Variants in C15orf40 observed in about 807,000 individuals in gnomAD.
C15orf40 encodes chromosome 15 open reading frame 40.
C15orf40 carries 9 observed loss-of-function variants against 13.9 expected under a neutral mutation model. That is an observed-to-expected ratio of 0.65 (90% confidence interval 0.39 to 1.13). The LOEUF (loss-of-function observed/expected upper bound fraction) is 1.13. Ranked by LOEUF, C15orf40 falls within the 50% of genes most tolerant of loss-of-function variation. C15orf40 has a pLI of 0.01. For synonymous variants in C15orf40, 95 were observed against 69.2 expected (o/e 1.37, Z -1.85); for missense variants, 225 against 188.5 (o/e 1.19, Z -1.13).
chr15:82,999,407 G>A lies in C15orf40; in HGVS notation c.*6190C>T, dbSNP rs1026302013. The A allele has an allele frequency of 1.2e-4, 19 of 152,200 alleles. No individual in the cohort carries two copies. Among genetic ancestry groups the A allele is most frequent in the African/African-American group, 4.6e-4 (19 of 41,504 alleles). 9.4% of individuals were successfully genotyped at this position (152,200 alleles called of 1,614,324 possible). On this transcript the variant is annotated 3_prime_UTR_variant, in exon 4 of 4. Transcript: ENST00000304177. ...AATGGGGTCTTACCACGTCGCCCAA[G>A]CTGGTCTCAAACTCCTGGCCACAAA...
rs2031616608 is a variant in C15orf40 at position 83,005,329 on chromosome 15, G to A, written c.*268C>T. On this transcript the variant is annotated 3_prime_UTR_variant, in exon 4 of 4. Coordinates refer to ENST00000304177, the MANE Select transcript of C15orf40 (RefSeq NM_144597.3). Reference sequence around the variant, plus strand: ...GAGAGAGTTTCACTCTTGTTGCCCAGGCTGGAGTGCAACGGCGCGATCTCG... The same window carrying A: ...GAGAGAGTTTCACTCTTGTTGCCCAAGCTGGAGTGCAACGGCGCGATCTCG... 2.1e-6 allele frequency: 2 copies of A among 931,620 alleles called. No individual in the cohort carries two copies. The highest frequency in any genetic ancestry group is 7.4e-5 in the South Asian group (2 of 26,864). The allele number at this position is 931,620 out of a possible 1,614,324, so 57.7% of individuals were successfully genotyped here.
intron 2 of C15orf40, among the ~76,000 whole-genome samples, chr15:83,009,404 G>C (rs1403530023): frequency 6.6e-6 from 1 of 152,164 alleles, no homozygotes; most frequent in African/African-American, 2.4e-5. Flanking sequence ...CCACTACTTA[G>C]AAAATGCTGG....
chr15:82,995,606 A>ATG lies in C15orf40; in HGVS notation c.*9990_*9991insCA, dbSNP rs1183454718. 2.0e-5 allele frequency: 3 copies of ATG among 152,370 alleles called. No individual in the cohort carries two copies. Among genetic ancestry groups the ATG allele is most frequent in the Non-Finnish European group, 4.4e-5 (3 of 68,200 alleles). The allele number at this position is 152,370 out of a possible 1,614,324, so 9.4% of individuals were successfully genotyped here. A position where few individuals can be genotyped will look rare whatever the true frequency, so the allele number is the denominator to read the frequency against. ...TCCAGACCAGCCTGGCCAACATGGC[A>ATG]AAACCCCATCTCTACTAAAAATACA... On this transcript the variant is annotated 3_prime_UTR_variant, in exon 4 of 4. Coordinates refer to ENST00000304177, the MANE Select transcript of C15orf40 (RefSeq NM_144597.3).
downstream of C15orf40, chr15:82,991,059 T>A (rs1311527381): frequency 6.3e-6 from 1 of 157,536 alleles, no homozygotes; most frequent in Non-Finnish European, 1.4e-5. Context: ...CACTCCCAAG[T>A]TCTGGCAGTT....
rs1315339876 is a variant in C15orf40 at position 82,998,151 on chromosome 15, C to A, written c.*7446G>T. 7.9e-6 allele frequency: 1 copy of A among 125,956 alleles called. No individual in the cohort carries two copies. Among genetic ancestry groups the A allele is most frequent in the Non-Finnish European group, 1.7e-5 (1 of 58,348 alleles). 7.8% of individuals were successfully genotyped at this position (125,956 alleles called of 1,614,324 possible). On this transcript the variant is annotated 3_prime_UTR_variant, in exon 4 of 4. Transcript: ENST00000304177. ...GGCGCCCCTCACCTCCCGGACGGGGCGGCTGGCCGGGCGGGGGGCTGACCC... is the reference window on the plus strand; with the variant it reads ...GGCGCCCCTCACCTCCCGGACGGGGAGGCTGGCCGGGCGGGGGGCTGACCC...
Position 83,001,312 on chromosome 15 carries a change from A to C in C15orf40, c.*4285T>G. 4.1e-6 allele frequency: 4 copies of C among 985,366 alleles called. No individual in the cohort carries two copies. The highest frequency in any genetic ancestry group is 4.8e-6 in the Non-Finnish European group (4 of 829,816). The allele number at this position is 985,366 out of a possible 1,614,324, so 61.0% of individuals were successfully genotyped here. A position where few individuals can be genotyped will look rare whatever the true frequency, so the allele number is the denominator to read the frequency against. On this transcript the variant is annotated 3_prime_UTR_variant, in exon 4 of 4. Transcript: ENST00000304177. ...GGCAAACCACCTAGCAGTGTCTGTC[A>C]AGTAAGCAACCAAGTTAATAAGTGA... is the stretch of plus-strand genomic sequence containing the variant.
chr15:83,005,969 C>T (rs769277724), intron 3 of C15orf40, among the ~76,000 whole-genome samples: 3 of 152,258 alleles, frequency 2.0e-5, no homozygotes, highest in South Asian at 2.1e-4. Flanking sequence ...CGGTGGCTCA[C>T]GCCTGTAATC....
At chr15:82,989,967 C>T (rs367747091), downstream of C15orf40, 165 of 1,609,048 alleles carry the variant, frequency 1.0e-4, no homozygotes, top group Non-Finnish European at 1.3e-4. Flanking sequence ...CATGGACGAT[C>T]CTGGGGTAAC....
downstream of C15orf40, among the ~76,000 whole-genome samples, chr15:82,991,382 T>C (rs1001369387): frequency 1.3e-5 from 2 of 152,078 alleles, no homozygotes; most frequent in Non-Finnish European, 2.9e-5. Flanking sequence ...CCGTCTCTAC[T>C]AAAAATACAA....
intron 2 of C15orf40, among the ~76,000 whole-genome samples, chr15:83,009,913 C>T (rs1281820840): frequency 1.3e-5 from 2 of 152,236 alleles, no homozygotes; most frequent in Non-Finnish European, 1.5e-5. Context: ...TCTTCTTTCT[C>T]TGGCCAATGT....
rs2031402810 is a variant in C15orf40, at chr15:83,001,211, C to T, written c.*4386G>A. On this transcript the variant is annotated 3_prime_UTR_variant, in exon 4 of 4. Coordinates refer to ENST00000304177, the MANE Select transcript of C15orf40 (RefSeq NM_144597.3). ...GGAATGGCTCACAGAAATCAGAAGT[C>T]TGAAATCTCTGCTCCTGCCTCCAGG... is the stretch of plus-strand genomic sequence containing the variant. The T allele has an allele frequency of 1.0e-6, 1 of 985,468 alleles. No homozygotes were observed. The highest frequency in any genetic ancestry group is 1.1e-4 in the East Asian group (1 of 8,824). The allele number at this position is 985,468 out of a possible 1,614,324, so 61.0% of individuals were successfully genotyped here.
chr15:83,009,423 G>A (rs1181672377), intron 2 of C15orf40, among the ~76,000 whole-genome samples: 1 of 152,134 alleles, frequency 6.6e-6, no homozygotes, highest in Non-Finnish European at 1.5e-5. Context: ...GGCCAAGGAG[G>A]GTATGGCTAA....
downstream of C15orf40, chr15:82,991,887 C>A: frequency 7.8e-7 from 1 of 1,288,630 alleles, no homozygotes; most frequent in Non-Finnish European, 1.0e-6. Context: ...CCTGACTACA[C>A]CCCAGAATCT....
In C15orf40 at chr15:83,001,382, C is replaced by T. The variant is rs1372695349; in HGVS notation, c.*4215G>A. ...CAAGTAATTATCATTTATTAAGGTGCGGGTGATAGATGACAGATGCAGTGC... is the reference window on the plus strand; with the variant it reads ...CAAGTAATTATCATTTATTAAGGTGTGGGTGATAGATGACAGATGCAGTGC... On this transcript the variant is annotated 3_prime_UTR_variant, in exon 4 of 4. Transcript: ENST00000304177. 3.1e-5 allele frequency: 25 copies of T among 800,558 alleles called. No homozygotes were observed. The highest frequency in any genetic ancestry group is 1.5e-4 in the African/African-American group (8 of 53,720). 49.6% of individuals were successfully genotyped at this position (800,558 alleles called of 1,614,324 possible). A position where few individuals can be genotyped will look rare whatever the true frequency, so the allele number is the denominator to read the frequency against.
chr15:83,004,923 G>A lies in C15orf40; in HGVS notation c.*674C>T. The A allele has an allele frequency of 7.7e-7, 1 of 1,303,112 alleles. No homozygotes were observed. Among genetic ancestry groups the A allele is most frequent in the Non-Finnish European group, 1.0e-6 (1 of 987,084 alleles). 80.7% of individuals were successfully genotyped at this position (1,303,112 alleles called of 1,614,324 possible). A position where few individuals can be genotyped will look rare whatever the true frequency, so the allele number is the denominator to read the frequency against. ...TTCAACAAGTAGTCCAAGGATTTGG[G>A]TTCTAGTTGCCAGCTTGCATGGTAC... On this transcript the variant is annotated 3_prime_UTR_variant, in exon 4 of 4. Coordinates refer to ENST00000304177, the MANE Select transcript of C15orf40 (RefSeq NM_144597.3).
At chr15:82,992,071 C>A (rs1404105998), downstream of C15orf40, 1 of 464,474 alleles carries the variant, frequency 2.2e-6, no homozygotes, top group African/African-American at 2.0e-5. Context: ...TTAAAATTAG[C>A]TGGGTGTGGT....
chr15:82,989,818 G>T, downstream of C15orf40: 2 of 1,578,398 alleles, frequency 1.3e-6, no homozygotes, highest in Non-Finnish European at 1.7e-6. Context: ...CACTGCTATG[G>T]GTTTGTCATA....
At chr15:83,006,972 C>G (rs965068593) in intron 3 of C15orf40, among the ~76,000 whole-genome samples, 1 of 152,166 alleles carries the variant, frequency 6.6e-6, no homozygotes, top group Non-Finnish European at 1.5e-5. Flanking sequence ...TAGGTGCAGT[C>G]TGTTAATCAA....
At chr15:83,009,975 T>G (rs1033451615) in intron 2 of C15orf40, among the ~76,000 whole-genome samples, 2 of 152,216 alleles carry the variant, frequency 1.3e-5, no homozygotes, top group Admixed American at 1.3e-4. Flanking sequence ...ACACACAAGT[T>G]TCCATAACTG....
Sources: allele counts gnomAD v4.1 joint callset (sites outside exome capture counted in the v4.1 genomes callset), GRCh38; gene constraint gnomAD v4.1.1; transcripts MANE v1.5; gene names NCBI Gene and HGNC (gene_info 2026-07-23, HGNC 2026-07-21).